The following EXOC4 variants were observed in gnomAD, a reference collection of about 807,000 sequenced individuals.
EXOC4 encodes the protein SEC8-like 1.
Under a neutral mutation model 107.2 loss-of-function variants are expected in EXOC4, and 71 were observed. The observed-to-expected ratio is 0.66, with a 90% CI of 0.55 to 0.81. EXOC4 has a LOEUF of 0.81. EXOC4 is among the 30% of genes least tolerant of loss of function. The probability of loss-of-function intolerance (pLI) is 0.00; values close to 1 mark genes in which losing one functional copy is unlikely to be tolerated. For missense variants in EXOC4, 1,108 were observed against 1,189.6 expected (o/e 0.93, Z 1.01); for synonymous variants, 456 against 441.2 (o/e 1.03, Z -0.42).
chr7:133,907,832 AGAG>A (rs1563052908), intron 12 of EXOC4, among the ~76,000 whole-genome samples: 3 of 151,816 alleles, frequency 2.0e-5, no homozygotes, highest in Non-Finnish European at 4.4e-5. Context: ...AGGAGGAGGA[AGAG>A]GAGGAGAAGG....
At chr7:133,475,957 A>C (rs1799002076) in intron 8 of EXOC4, among the ~76,000 whole-genome samples, 1 of 152,120 alleles carries the variant, frequency 6.6e-6, no homozygotes, top group South Asian at 2.1e-4. Context: ...AACTCCATGA[A>C]CCCATGTGCC....
chr7:133,665,543 G>C (rs1412017712), intron 10 of EXOC4, among the ~76,000 whole-genome samples: 2 of 152,090 alleles, frequency 1.3e-5, no homozygotes, highest in Non-Finnish European at 2.9e-5. Context: ...ACTATTGAAT[G>C]ATCTGAAGTG....
intron 17 of EXOC4, among the ~76,000 whole-genome samples, chr7:134,043,900 C>T (rs1310037094): frequency 6.6e-6 from 1 of 152,214 alleles, no homozygotes; most frequent in Non-Finnish European, 1.5e-5. Flanking sequence ...CATTCCCCAA[C>T]ACAGCCTCTA....
chr7:133,523,726 AATG>A (rs1475066025), intron 9 of EXOC4, among the ~76,000 whole-genome samples: 4 of 152,066 alleles, frequency 2.6e-5, no homozygotes, highest in Non-Finnish European at 5.9e-5. Flanking sequence ...GTTTACTGAG[AATG>A]ATGATTTCCA....
At chr7:133,333,940 G>A (rs1390647545) in intron 5 of EXOC4, among the ~76,000 whole-genome samples, 1 of 152,228 alleles carries the variant, frequency 6.6e-6, no homozygotes, top group Non-Finnish European at 1.5e-5. Flanking sequence ...TACAATGTTT[G>A]TGTGCAGTTC....
chr7:133,469,694 A>T (rs1798824013), intron 7 of EXOC4, among the ~76,000 whole-genome samples: 1 of 152,196 alleles, frequency 6.6e-6, no homozygotes, highest in African/African-American at 2.4e-5. Flanking sequence ...AGGGTAGAAA[A>T]TCTTTGACCC....
chr7:133,616,240 G>C (rs867656292), intron 9 of EXOC4, among the ~76,000 whole-genome samples: 1 of 152,026 alleles, frequency 6.6e-6, no homozygotes, highest in Non-Finnish European at 1.5e-5. Flanking sequence ...GGTTTATCTT[G>C]TAATAGCTTT....
intron 14 of EXOC4, among the ~76,000 whole-genome samples, chr7:133,953,630 A>G (rs1377780290): frequency 6.6e-6 from 1 of 152,130 alleles, no homozygotes; most frequent in African/African-American, 2.4e-5. Context: ...CAGCCCAGCA[A>G]CAGAGAAAGA....
intron 10 of EXOC4, among the ~76,000 whole-genome samples, chr7:133,650,937 G>GTGT (rs1803130151): frequency 5.6e-5 from 5 of 88,694 alleles, no homozygotes; most frequent in South Asian, 4.8e-4. Context: ...AGATTGGTCA[G>GTGT]TTTTTTTTTT....
chr7:133,297,726 C>A (rs1027933898), intron 3 of EXOC4, among the ~76,000 whole-genome samples: 1 of 152,040 alleles, frequency 6.6e-6, no homozygotes, highest in Non-Finnish European at 1.5e-5. Context: ...GTCATTTCCC[C>A]ATGCCAGGTA....
At chr7:133,381,758 T>C (rs1391305032) in intron 7 of EXOC4, among the ~76,000 whole-genome samples, 6 of 152,216 alleles carry the variant, frequency 3.9e-5, no homozygotes, top group Admixed American at 3.9e-4. Flanking sequence ...TTACACCTTA[T>C]GACAGTCACT....
Position 134,007,816 on chromosome 7 carries a change from G to C in EXOC4, c.2668G>C (p.Ala890Pro). 1 of 1,613,172 alleles carries C rather than the reference G, an allele frequency of 6.2e-7. No individual in the cohort carries two copies. Among genetic ancestry groups the C allele is most frequent in the South Asian group, 1.1e-5 (1 of 90,986 alleles). Reference protein sequence around the residue: ...NLTNITMSREADLDFARQYYE... With the variant: ...NLTNITMSREPDLDFARQYYE... ...GACCAACATCACCATGTCGCGGGAG[G>C]CAGACCTGGACTTTGCAAGGTAGGA... Residue 890 changes from alanine (A) to proline (P), a missense_variant, in exon 17 of 18, where the codon GCA (alanine) becomes CCA (proline). Ala to Pro is a conservative substitution (Grantham distance 27, BLOSUM62 -1). Coordinates refer to ENST00000253861, the MANE Select transcript of EXOC4 (RefSeq NM_021807.4).
At chr7:134,091,184 G>A in the EXOC4 span, among the ~76,000 whole-genome samples, 4 of 152,136 alleles carry the variant, frequency 2.6e-5, no homozygotes, top group East Asian at 3.8e-4. Context: ...AAGCAAGTTT[G>A]TTAAGAAAGT....
intron 9 of EXOC4, among the ~76,000 whole-genome samples, chr7:133,502,614 T>C (rs1434384461): frequency 6.6e-6 from 1 of 152,148 alleles, no homozygotes; most frequent in Admixed American, 6.6e-5. Context: ...TAGTGAGTTA[T>C]GTCAAGCCAT....
At chr7:133,902,374 A>G (rs976906124) in intron 12 of EXOC4, among the ~76,000 whole-genome samples, 2 of 152,228 alleles carry the variant, frequency 1.3e-5, no homozygotes, top group Admixed American at 6.5e-5. Context: ...CTGCATCTTT[A>G]AAACAATTTA....
intron 1 of EXOC4, among the ~76,000 whole-genome samples, chr7:133,262,197 T>C (rs1795169886): frequency 6.6e-6 from 1 of 152,186 alleles, no homozygotes; most frequent in African/African-American, 2.4e-5. Flanking sequence ...GAATAAGATA[T>C]TCAGATGTGC....
At chr7:133,859,556 C>G (rs374249230) in intron 11 of EXOC4, among the ~76,000 whole-genome samples, 2 of 152,062 alleles carry the variant, frequency 1.3e-5, no homozygotes, top group African/African-American at 4.8e-5. Context: ...GGTTTATTCA[C>G]GGAATAGTGG....
intron 10 of EXOC4, among the ~76,000 whole-genome samples, chr7:133,760,733 TAA>T (rs74926599): frequency 8.4e-5 from 12 of 143,438 alleles, no homozygotes; most frequent in African/African-American, 1.0e-4. Context: ...CTTCTTTACT[TAA>T]AAAAAAAAAA....
chr7:133,611,974 C>G (rs920024337), intron 9 of EXOC4, among the ~76,000 whole-genome samples: 9 of 152,108 alleles, frequency 5.9e-5, no homozygotes, highest in African/African-American at 2.2e-4. Flanking sequence ...GGGCAGGGAC[C>G]ATGTCACACC....
Sources: allele counts gnomAD v4.1 joint callset (sites outside exome capture counted in the v4.1 genomes callset), GRCh38; gene constraint gnomAD v4.1.1; transcripts MANE v1.5; gene names NCBI Gene and HGNC (gene_info 2026-07-23, HGNC 2026-07-21).